Variants in LEMD2 observed in about 807,000 individuals in gnomAD.
LEMD2 encodes the protein LEM domain nuclear envelope protein 2, also known as LEM domain-containing protein 2.
LEMD2 carries 34 observed loss-of-function variants against 58.8 expected under a neutral mutation model. The observed-to-expected ratio is 0.58, with a 90% CI of 0.44 to 0.77. The LOEUF (loss-of-function observed/expected upper bound fraction) is 0.77. LEMD2 is among the 30% of genes least tolerant of loss of function. The probability of loss-of-function intolerance (pLI) is 0.00; values close to 1 mark genes in which losing one functional copy is unlikely to be tolerated. For missense variants in LEMD2, 629 were observed against 717.9 expected, an observed-to-expected ratio of 0.88 and a Z score of 1.42; for synonymous variants, 298 against 308.9, an observed-to-expected ratio of 0.96 and a Z score of 0.37.
chr6:33,785,868 C>T (rs1477603047), intron 2 of LEMD2, among the ~76,000 whole-genome samples: 1 of 152,208 alleles, frequency 6.6e-6, no homozygotes, highest in Non-Finnish European at 1.5e-5. Flanking sequence ...AACTATGACA[C>T]ACCCGAAGCC....
At chr6:33,786,985 T>A in intron 1 of LEMD2, 1 of 1,125,308 alleles carries the variant, frequency 8.9e-7, no homozygotes, top group Non-Finnish European at 1.2e-6. Context: ...GATAGCTGGG[T>A]CCTTGTCCCA....
At chr6:33,775,126 G>A (rs1767399535) in intron 8 of LEMD2, among the ~76,000 whole-genome samples, 1 of 152,204 alleles carries the variant, frequency 6.6e-6, no homozygotes, top group Non-Finnish European at 1.5e-5. Context: ...AATTGGGTGG[G>A]AGTTTGAGTA....
In LEMD2 at chr6:33,778,251, A is replaced by T. The variant is rs781415915; in HGVS notation, c.1147T>A (p.Phe383Ile). Residue 383 changes from phenylalanine (F) to isoleucine (I), a missense_variant, in exon 6 of 9, where the codon TTC becomes ATC. Physicochemically the swap from Phe to Ile is conservative, Grantham distance 21. Around this residue, in one of 2 missense-constraint regions of LEMD2, gnomAD observed 243 missense variants for 336.8 expected, o/e 0.72. Coordinates refer to ENST00000293760, the MANE Select transcript of LEMD2 (RefSeq NM_181336.4). The surrounding 1 kb of genome is among the most constrained non-coding windows in gnomAD (Gnocchi z 4.7). ...LLTAVTNVLI[F>I]FWCLAFLWGL... ...GCGGCCGAGGACTTACACCAGAAGA[A>T]GATGAGCACGTTGGTGACAGCAGTG... The T allele has an allele frequency of 1.2e-5, 19 of 1,596,710 alleles. No individual in the cohort carries two copies. Among genetic ancestry groups the T allele is most frequent in the Admixed American group, 3.5e-5 (2 of 57,832 alleles).
Position 33,772,770 on chromosome 6 carries a change from A to T in LEMD2, c.1370T>A (p.Met457Lys). 1 of 1,613,412 alleles carries T rather than the reference A, an allele frequency of 6.2e-7. No individual in the cohort carries two copies. The highest frequency in any genetic ancestry group is 8.5e-7 in the Non-Finnish European group (1 of 1,179,778). Reference protein sequence around the residue: ...SLIPPQSRRRMKRVWDRAVEF... With the variant: ...SLIPPQSRRRKKRVWDRAVEF... ...CACAGCTCGGTCCCAGACACGCTTC[A>T]TGCGCCTCCTGCAATGAGAGGGACG... The change falls in exon 9 of 9, where the codon ATG becomes AAG. Residue 457 changes from methionine to lysine, a missense_variant. Physicochemically the swap from Met to Lys is moderately conservative, Grantham distance 95. Transcript: ENST00000293760.
chr6:33,779,465 A>G (rs1369331885), intron 5 of LEMD2: 2 of 151,084 alleles, frequency 1.3e-5, no homozygotes, highest in Non-Finnish European at 2.9e-5. Context: ...ACAAACACCG[A>G]GAGTGGGAAG....
chr6:33,787,580 T>C (rs1225416719), intron 1 of LEMD2, among the ~76,000 whole-genome samples: 1 of 152,236 alleles, frequency 6.6e-6, no homozygotes, highest in Non-Finnish European at 1.5e-5. Flanking sequence ...GTATTAAAAG[T>C]TGGTGAACTA....
At chr6:33,775,307 T>C (rs1767403021) in intron 8 of LEMD2, among the ~76,000 whole-genome samples, 1 of 152,228 alleles carries the variant, frequency 6.6e-6, no homozygotes, top group Admixed American at 6.5e-5. Flanking sequence ...CCTTCATGTT[T>C]AAGATGGACC....
chr6:33,786,514 A>T (rs971747549), intron 2 of LEMD2, among the ~76,000 whole-genome samples: 1 of 152,208 alleles, frequency 6.6e-6, no homozygotes, highest in African/African-American at 2.4e-5. Context: ...TGTCCATAAC[A>T]AGCCCAGGGT....
Position 33,775,302 on chromosome 6 carries a change from A to G in LEMD2, c.1361+1652T>C, listed in dbSNP as rs115240699. Among the ~76,000 whole-genome samples the G allele has an allele frequency of 6.0e-3, 915 of 152,274 alleles. 3 individuals are homozygous for G. The highest frequency in any genetic ancestry group is 0.01 in the Middle Eastern group (3 of 294). ...AGCATGACAGGCAACAAGCACCTTCATGTTTAAGATGGACCTTTTTTTTAT... is the reference window on the plus strand; with the variant it reads ...AGCATGACAGGCAACAAGCACCTTCGTGTTTAAGATGGACCTTTTTTTTAT... On this transcript the variant is annotated intron_variant, in intron 8 of 8. Transcript: ENST00000293760.
In LEMD2 at chr6:33,788,283, A is replaced by C. The variant is rs1767729706; in HGVS notation, c.736+98T>G. 117 of 1,266,430 alleles carry C rather than the reference A, an allele frequency of 9.2e-5. 2 individuals carry two copies. In the South Asian group the frequency reaches 1.8e-3, roughly 19 times the overall value. 78.4% of individuals were successfully genotyped at this position (1,266,430 alleles called of 1,614,324 possible). A position where few individuals can be genotyped will look rare whatever the true frequency, so the allele number is the denominator to read the frequency against. On this transcript the variant is annotated intron_variant, in intron 1 of 8. Coordinates refer to ENST00000293760, the MANE Select transcript of LEMD2 (RefSeq NM_181336.4). ...AGAAGACAGTCAGAGGCAGCTGACA[A>C]GGCCGGAAGTGCGCGGCCTGGCGCC...
Position 33,788,817 on chromosome 6 carries a change from G to C in LEMD2, c.300C>G (p.Thr100=). 6.9e-7 allele frequency: 1 copy of C among 1,441,400 alleles called. No homozygotes were observed. Among genetic ancestry groups the C allele is most frequent in the Non-Finnish European group, 9.1e-7 (1 of 1,098,724 alleles). The allele number at this position is 1,441,400 out of a possible 1,614,324, so 89.3% of individuals were successfully genotyped here. ...GCCGGATATCACCGTAGGCCCCAGG[G>C]GTCGCGTAGGCCGAGCCCGAGGCCG... ...SQPASGSAYA[T]PGAYGDIRPS... Residue 100 remains threonine (T), a synonymous_variant, in exon 1 of 9, where the codon ACC becomes ACG. Coordinates refer to ENST00000293760, the MANE Select transcript of LEMD2 (RefSeq NM_181336.4).
intron 8 of LEMD2, 100 bp from the exon 9 acceptor site, chr6:33,772,878 G>GA: frequency 1.8e-6 from 2 of 1,126,998 alleles, no homozygotes; most frequent in Middle Eastern, 2.7e-4. Flanking sequence ...CTCTGGCATG[G>GA]AATTTATGTA....
In LEMD2 at chr6:33,780,163, G is replaced by A. The variant is rs1416006152; in HGVS notation, c.947C>T (p.Ser316Phe). The A allele has an allele frequency of 6.3e-7, 1 of 1,591,700 alleles. No homozygotes were observed. Among genetic ancestry groups the A allele is most frequent in the Non-Finnish European group, 8.6e-7 (1 of 1,167,998 alleles). The change falls in exon 5 of 9, where the codon TCC (serine) becomes TTC (phenylalanine). Residue 316 changes from serine to phenylalanine, a missense_variant. Transcript: ENST00000293760. ...CAGTGCGGCTTCAAACTTGGCGGAGGAGCTGCTGGTCACATTCTGTGGGAG... is the reference window on the plus strand; with the variant it reads ...CAGTGCGGCTTCAAACTTGGCGGAGAAGCTGCTGGTCACATTCTGTGGGAG... ...QEYIANVTSS[S>F]SAKFEAALTW...
At chr6:33,786,305 G>C (rs1767674399) in intron 2 of LEMD2, among the ~76,000 whole-genome samples, 1 of 152,148 alleles carries the variant, frequency 6.6e-6, no homozygotes, top group Non-Finnish European at 1.5e-5. Flanking sequence ...TTTCAAATCA[G>C]AACAGCATTT....
At chr6:33,777,654 G>C (rs566570659) in intron 6 of LEMD2, among the ~76,000 whole-genome samples, 1 of 152,306 alleles carries the variant, frequency 6.6e-6, no homozygotes, top group African/African-American at 2.4e-5. Context: ...TGCACACTGA[G>C]GCGGTCTGTG....
chr6:33,774,265 G>A (rs1173573602), intron 8 of LEMD2, among the ~76,000 whole-genome samples: 4 of 149,752 alleles, frequency 2.7e-5, no homozygotes, highest in Admixed American at 6.7e-5. Context: ...TCCGCCTCCC[G>A]GGTTCAAGTG....
intron 8 of LEMD2, 69 bp from the exon 9 acceptor site, chr6:33,772,847 C>G: frequency 1.4e-6 from 2 of 1,390,776 alleles, no homozygotes; most frequent in Non-Finnish European, 2.0e-6. Context: ...GCCCCTCCTA[C>G]AAAGGGCACA....
chr6:33,788,300 C>A, intron 1 of LEMD2, 81 bp downstream of exon 1: 1 of 1,381,566 alleles, frequency 7.2e-7, no homozygotes, highest in Non-Finnish European at 9.6e-7. Context: ...AAGTGCGCGG[C>A]CTGGCGCCGA....
chr6:33,785,183 T>C (rs2127382701), intron 2 of LEMD2, among the ~76,000 whole-genome samples: 1 of 152,242 alleles, frequency 6.6e-6, no homozygotes, highest in Admixed American at 6.5e-5. Context: ...TCGGTAAGCC[T>C]GGAGCCATGC....
Sources: allele counts gnomAD v4.1 joint callset (sites outside exome capture counted in the v4.1 genomes callset), GRCh38; gene constraint gnomAD v4.1.1; regional missense constraint gnomAD v4.1.1; non-coding constraint Gnocchi (gnomAD v3.1); transcripts MANE v1.5; gene names NCBI Gene and HGNC (gene_info 2026-07-23, HGNC 2026-07-21).